Variants in PTCSC3 observed in about 807,000 individuals in gnomAD.
PTCSC3 encodes papillary thyroid carcinoma susceptibility candidate 3, also known as papillary thyroid carcinoma susceptibility candidate 3 (non-protein coding).
At chr14:36,164,740 C>G (rs569738734) in intron 1 of PTCSC3, among the ~76,000 whole-genome samples, 2 of 152,154 alleles carry the variant, frequency 1.3e-5, no homozygotes, top group Non-Finnish European at 2.9e-5. Flanking sequence ...TGTAGTTCTG[C>G]ATTGCTGCCA....
At chr14:36,142,134 T>C (rs1881436997) in intron 3 of PTCSC3, among the ~76,000 whole-genome samples, 1 of 152,180 alleles carries the variant, frequency 6.6e-6, no homozygotes. Flanking sequence ...TTTCCCACCA[T>C]TAAGTATGAT....
At chr14:36,149,407 A>G (rs1473565233) in intron 3 of PTCSC3, among the ~76,000 whole-genome samples, 3 of 152,258 alleles carry the variant, frequency 2.0e-5, no homozygotes, top group South Asian at 2.1e-4. Flanking sequence ...AATGTGGTCT[A>G]TCTTGGTGAA....
chr14:36,162,455 C>T (rs1241564530), intron 2 of PTCSC3, among the ~76,000 whole-genome samples: 1 of 152,090 alleles, frequency 6.6e-6, no homozygotes, highest in Non-Finnish European at 1.5e-5. Flanking sequence ...GGCACAGTCC[C>T]TCTGGGCTTC....
intron 3 of PTCSC3, among the ~76,000 whole-genome samples, chr14:36,146,397 A>G (rs181015904): frequency 0.027 from 4,047 of 150,620 alleles, 72 homozygotes; most frequent in Non-Finnish European, 0.041. Flanking sequence ...TGTTGAATTG[A>G]TCCCTTTACC....
At chr14:36,163,761 C>T (rs1216166832) in intron 1 of PTCSC3, among the ~76,000 whole-genome samples, 2 of 152,184 alleles carry the variant, frequency 1.3e-5, no homozygotes, top group Non-Finnish European at 2.9e-5. Flanking sequence ...ACGAATCCTC[C>T]TTTGTCAAGC....
chr14:36,161,295 G>A (rs1881951115), intron 2 of PTCSC3, among the ~76,000 whole-genome samples: 1 of 152,158 alleles, frequency 6.6e-6, no homozygotes, highest in Non-Finnish European at 1.5e-5. Context: ...TGGAGGAGGT[G>A]AGGCATTCTG....
At chr14:36,140,955 G>A (rs1227041954) in intron 3 of PTCSC3, among the ~76,000 whole-genome samples, 1 of 152,112 alleles carries the variant, frequency 6.6e-6, no homozygotes, top group Non-Finnish European at 1.5e-5. Context: ...GAATACAAAT[G>A]TCCAGTTTTT....
chr14:36,153,243 T>C (rs1445788470), intron 3 of PTCSC3, among the ~76,000 whole-genome samples: 1 of 152,210 alleles, frequency 6.6e-6, no homozygotes, highest in African/African-American at 2.4e-5. Context: ...CTGACCTAAT[T>C]ACTCCTAAAA....
chr14:36,155,625 G>C (rs1348698349), intron 2 of PTCSC3, among the ~76,000 whole-genome samples: 1 of 152,034 alleles, frequency 6.6e-6, no homozygotes, highest in Non-Finnish European at 1.5e-5. Flanking sequence ...CAACCGATCT[G>C]CGCAACTGAG....
chr14:36,157,480 T>C (rs1324692247), intron 2 of PTCSC3, among the ~76,000 whole-genome samples: 2 of 152,224 alleles, frequency 1.3e-5, no homozygotes, highest in African/African-American at 4.8e-5. Flanking sequence ...TGCCCATGCC[T>C]ATGTCCTGAG....
chr14:36,162,815 GC>G (rs1478539582), intron 1 of PTCSC3: 1 of 152,160 alleles, frequency 6.6e-6, no homozygotes, highest in African/African-American at 2.4e-5. Flanking sequence ...TCAAAACCTT[GC>G]CATGATTCCA....
At chr14:36,174,091 G>A (rs1422258944) in intron 1 of PTCSC3, among the ~76,000 whole-genome samples, 1 of 151,984 alleles carries the variant, frequency 6.6e-6, no homozygotes, top group Non-Finnish European at 1.5e-5. Flanking sequence ...TGTCCCGTGT[G>A]GGTTCGTTGA....
At chr14:36,142,490 C>T (rs1881446163) in intron 3 of PTCSC3, among the ~76,000 whole-genome samples, 4 of 152,048 alleles carry the variant, frequency 2.6e-5, no homozygotes, top group Non-Finnish European at 5.9e-5. Flanking sequence ...TGATACTGGC[C>T]TATTAGAATA....
rs73253472 is a variant in PTCSC3, at chr14:36,172,547, C to T, written n.171+3751G>A. Among the ~76,000 whole-genome samples the T allele has an allele frequency of 4.7e-3, 719 of 152,168 alleles. 3 individuals carry two copies. The highest frequency in any genetic ancestry group is 0.016 in the African/African-American group (682 of 41,526). On this transcript the variant is annotated intron_variant and non_coding_transcript_variant, in intron 1 of 3. Coordinates refer to ENST00000556013, the Ensembl canonical transcript of PTCSC3. ...TATCTGAAGAGGTTTCTTATCCTCC[C>T]TCCTCAATTCTGAACATTTGCCTAA...
intron 2 of PTCSC3, among the ~76,000 whole-genome samples, chr14:36,158,525 C>G (rs1881878755): frequency 6.6e-6 from 1 of 152,116 alleles, no homozygotes; most frequent in Non-Finnish European, 1.5e-5. Flanking sequence ...GTGGTTTTGT[C>G]ATTGGTTCTG....
intron 1 of PTCSC3, chr14:36,164,965 A>G (rs898207208): frequency 3.3e-5 from 5 of 152,246 alleles, no homozygotes; most frequent in Non-Finnish European, 5.9e-5. Context: ...AGGCAGTGTC[A>G]TATCTTTGAC....
At chr14:36,151,904 A>G (rs569864555) in intron 3 of PTCSC3, among the ~76,000 whole-genome samples, 1 of 152,352 alleles carries the variant, frequency 6.6e-6, no homozygotes, top group East Asian at 1.9e-4. Context: ...AATTTTTCTC[A>G]GATGTTCACT....
chr14:36,137,894 G>T (rs913836634), intron 3 of PTCSC3, among the ~76,000 whole-genome samples: 1 of 152,146 alleles, frequency 6.6e-6, no homozygotes, highest in East Asian at 1.9e-4. Flanking sequence ...TGAACCTAGA[G>T]TTCAGAGGAA....
At chr14:36,148,961 T>C (rs1881659561) in intron 3 of PTCSC3, among the ~76,000 whole-genome samples, 1 of 152,102 alleles carries the variant, frequency 6.6e-6, no homozygotes, top group African/African-American at 2.4e-5. Flanking sequence ...TTTGGTTTTG[T>C]TGATTTTCTT....
Sources: gnomAD v4.1 joint callset for allele counts (sites outside exome capture counted in the v4.1 genomes callset) on GRCh38, gnomAD v4.1.1 for gene constraint, MANE v1.5 for transcripts, NCBI Gene and HGNC (gene_info 2026-07-23, HGNC 2026-07-21) for gene names.